MCTP1: variants seen among roughly 807,000 people sequenced by gnomAD.
MCTP1 encodes multiple C2 and transmembrane domain-containing protein 1.
In MCTP1, 69 loss-of-function variants were observed where a neutral mutation model predicts 120.6. That is an observed-to-expected ratio of 0.57 (90% CI 0.47 to 0.70). MCTP1 has a LOEUF of 0.70. Ranked by LOEUF, MCTP1 falls within the 30% of genes least tolerant of loss-of-function variation. The pLI, the probability that MCTP1 is intolerant of heterozygous loss-of-function variation, is 0.00. For synonymous variants in MCTP1, 529 were observed against 493.1 expected (o/e 1.07, Z -0.96); for missense variants, 1,203 against 1,248.8 (o/e 0.96, Z 0.55).
intron 1 of MCTP1, among the ~76,000 whole-genome samples, chr5:95,214,076 C>T (rs1196412339): frequency 6.6e-6 from 1 of 152,270 alleles, no homozygotes; most frequent in African/African-American, 2.4e-5. Context: ...AGTGAACAGG[C>T]AACCTACAGA....
chr5:94,922,240 T>A (rs771573557), intron 7 of MCTP1, among the ~76,000 whole-genome samples: 3 of 152,188 alleles, frequency 2.0e-5, no homozygotes, highest in Non-Finnish European at 4.4e-5. Flanking sequence ...AGAAAGGTTA[T>A]TAAAGAATAT....
intron 1 of MCTP1, among the ~76,000 whole-genome samples, chr5:95,083,578 T>C (rs1755194601): frequency 6.6e-6 from 1 of 152,216 alleles, no homozygotes. Context: ...GTTTGTAGAA[T>C]GTTAAGAGTA....
intron 12 of MCTP1, among the ~76,000 whole-genome samples, chr5:94,873,638 A>G (rs550473867): frequency 6.6e-5 from 10 of 152,030 alleles, no homozygotes; most frequent in South Asian, 2.1e-4. Context: ...TCTAAGGCAT[A>G]TATTTTTTCA....
chr5:94,984,740 C>G (rs899878493), intron 2 of MCTP1, among the ~76,000 whole-genome samples: 1 of 152,138 alleles, frequency 6.6e-6, no homozygotes, highest in African/African-American at 2.4e-5. Context: ...AGTACAAATA[C>G]ATTGTCATGA....
Position 94,848,026 on chromosome 5 carries a change from G to A in MCTP1, c.2436+20307C>T, listed in dbSNP as rs575738815. Among the ~76,000 whole-genome samples, 444 of 152,016 alleles carry A rather than the reference G, an allele frequency of 2.9e-3. 10 individuals are homozygous for A. Among genetic ancestry groups the A allele is most frequent in the Non-Finnish European group, 9.0e-4 (61 of 67,976 alleles). On this transcript the variant is annotated intron_variant, in intron 17 of 22. Coordinates refer to ENST00000515393, the MANE Select transcript of MCTP1 (RefSeq NM_024717.7). ...TCCTCCTAAGCCTTGGTTTGGGGAG[G>A]GGGTGGTGAGCAGGTGGAGAGGAGG...
At chr5:94,893,754 T>C (rs1581221989) in intron 11 of MCTP1, among the ~76,000 whole-genome samples, 1 of 152,334 alleles carries the variant, frequency 6.6e-6, no homozygotes, top group East Asian at 1.9e-4. Context: ...AATAGGAATA[T>C]TTTAAAGTCT....
intron 1 of MCTP1, among the ~76,000 whole-genome samples, chr5:95,186,590 C>T (rs1478075520): frequency 6.6e-6 from 1 of 152,078 alleles, no homozygotes; most frequent in Non-Finnish European, 1.5e-5. Flanking sequence ...GTTAACTCTC[C>T]CCAAGTTGAC....
intron 1 of MCTP1, among the ~76,000 whole-genome samples, chr5:95,219,275 A>G (rs181828863): frequency 5.9e-4 from 90 of 151,518 alleles, no homozygotes; most frequent in African/African-American, 1.8e-3. Flanking sequence ...CCAGCTACTC[A>G]GGAGGCTGAG....
intron 1 of MCTP1, among the ~76,000 whole-genome samples, chr5:95,020,351 G>A (rs773997235): frequency 4.6e-5 from 7 of 152,050 alleles, no homozygotes; most frequent in Non-Finnish European, 7.4e-5. Flanking sequence ...CACTTCTGCA[G>A]TTTCAGAATT....
At chr5:95,140,928 A>G (rs1056013148) in intron 1 of MCTP1, among the ~76,000 whole-genome samples, 1 of 150,968 alleles carries the variant, frequency 6.6e-6, no homozygotes, top group Non-Finnish European at 1.5e-5. Context: ...AGAATGTACT[A>G]GAAAAGATTA....
At chr5:95,232,457 A>ATT (rs535038549) in intron 1 of MCTP1, among the ~76,000 whole-genome samples, 20 of 137,864 alleles carry the variant, frequency 1.5e-4, no homozygotes, top group African/African-American at 2.7e-4. Flanking sequence ...ATGAAATTTA[A>ATT]TTTTTTTTTT....
In MCTP1 at chr5:94,947,555, AATAT is replaced by A. The variant is rs377155852; in HGVS notation, c.982-5132_982-5129del. Among the ~76,000 whole-genome samples, 100 of 39,498 alleles carry A rather than the reference AATAT, an allele frequency of 2.5e-3. 6 individuals carry two copies. The highest frequency in any genetic ancestry group is 7.3e-3 in the African/African-American group (66 of 9,088). The allele number at this position is 39,498 out of a possible 152,430, so 25.9% of individuals were successfully genotyped here. A position where few individuals can be genotyped will look rare whatever the true frequency, so the allele number is the denominator to read the frequency against. On this transcript the variant is annotated intron_variant, in intron 3 of 22. Transcript: ENST00000515393. ...AAAATATTTTAGTGTTAGTTTACTA[AATAT>A]ATATATATATATATATATAGAGAGA...
At chr5:94,965,028 C>T (rs1335068368) in intron 2 of MCTP1, among the ~76,000 whole-genome samples, 1 of 152,114 alleles carries the variant, frequency 6.6e-6, no homozygotes, top group Non-Finnish European at 1.5e-5. Flanking sequence ...CTGGATTTGA[C>T]TATATTCTTA....
At chr5:94,955,946 C>T (rs1822496303) in intron 2 of MCTP1, among the ~76,000 whole-genome samples, 1 of 152,224 alleles carries the variant, frequency 6.6e-6, no homozygotes, top group Non-Finnish European at 1.5e-5. Context: ...TCAAGTGGGT[C>T]CCTGACTCCC....
intron 1 of MCTP1, among the ~76,000 whole-genome samples, chr5:95,072,241 A>G (rs1175146345): frequency 6.6e-6 from 1 of 152,206 alleles, no homozygotes; most frequent in African/African-American, 2.4e-5. Context: ...ATCAGGATCA[A>G]GAAGCATTCT....
chr5:95,081,205 A>AT (rs764230313), intron 1 of MCTP1, among the ~76,000 whole-genome samples: 2 of 152,182 alleles, frequency 1.3e-5, no homozygotes, highest in South Asian at 4.1e-4. Context: ...CAGGCACTAT[A>AT]TTTTTCATAA....
chr5:95,113,626 G>C (rs544614421), intron 1 of MCTP1, among the ~76,000 whole-genome samples: 40 of 152,282 alleles, frequency 2.6e-4, no homozygotes, highest in African/African-American at 7.7e-4. Context: ...TCCTCCCAGT[G>C]GTTGGAATTT....
chr5:94,888,886 G>A lies in MCTP1; in HGVS notation c.1926C>T (p.Asp642=), dbSNP rs17084201. The A allele has an allele frequency of 3.6e-3, 5,744 of 1,608,120 alleles. 89 individuals carry two copies. In the East Asian group the frequency reaches 0.037, roughly 10 times the overall value. ...AATTGCATCATCTCTTACCAGTGACGTCGGCAGCCATTAACCCTTCCGCTC... is the reference window on the plus strand; with the variant it reads ...AATTGCATCATCTCTTACCAGTGACATCGGCAGCCATTAACCCTTCCGCTC... The part of the protein sequence containing the change: ...VIRAEGLMAA[D]VTGKSDPFCV... Residue 642 remains aspartate (D), a synonymous_variant, in exon 12 of 23, where the codon GAC becomes GAT. Coordinates refer to ENST00000515393, the MANE Select transcript of MCTP1 (RefSeq NM_024717.7).
chr5:95,248,395 A>T (rs1346282369), intron 1 of MCTP1, among the ~76,000 whole-genome samples: 1 of 152,214 alleles, frequency 6.6e-6, no homozygotes, highest in Admixed American at 6.5e-5. Context: ...AGAGAGCCAA[A>T]TCATGAGTGA....
Sources: gnomAD v4.1 joint callset for allele counts (sites outside exome capture counted in the v4.1 genomes callset) on GRCh38, gnomAD v4.1.1 for gene constraint, MANE v1.5 for transcripts, NCBI Gene and HGNC (gene_info 2026-07-23, HGNC 2026-07-21) for gene names.